The following PALLD variants were observed in gnomAD, a reference collection of about 807,000 sequenced individuals.
The protein encoded by PALLD is palladin, cytoskeletal associated protein, also known as palladin.
In PALLD, 61 loss-of-function variants were observed where a neutral mutation model predicts 123.5. The ratio of observed to expected loss-of-function variants is 0.49; its 90% CI spans 0.40 to 0.61. The LOEUF (loss-of-function observed/expected upper bound fraction) is 0.61. Ranked by LOEUF, PALLD falls within the 20% of genes least tolerant of loss-of-function variation. The pLI, the probability that PALLD is intolerant of heterozygous loss-of-function variation, is 0.00. For synonymous variants in PALLD, 465 were observed against 496.4 expected, an observed-to-expected ratio of 0.94 and a Z score of 0.84; for missense variants, 1,273 against 1,377.0, an observed-to-expected ratio of 0.92 and a Z score of 1.20.
intron 3 of PALLD, among the ~76,000 whole-genome samples, chr4:168,675,899 T>TA (rs995944397): frequency 3.3e-5 from 5 of 150,666 alleles, no homozygotes; most frequent in South Asian, 2.1e-4. Flanking sequence ...CTATAAAAAA[T>TA]AAAAAAAATA....
At chr4:168,781,500 C>T (rs982859387) in intron 10 of PALLD, among the ~76,000 whole-genome samples, 4 of 152,138 alleles carry the variant, frequency 2.6e-5, no homozygotes, top group Non-Finnish European at 5.9e-5. Flanking sequence ...GGGCAGAGGC[C>T]GGGAAGCCTG....
At chr4:168,598,364 G>A (rs940375247) in intron 2 of PALLD, 4 of 583,214 alleles carry the variant, frequency 6.9e-6, no homozygotes, top group African/African-American at 1.9e-5. Context: ...GAACTGTTTG[G>A]CTAACTTCCT....
chr4:168,840,814 G>A (rs1214170958), intron 10 of PALLD, among the ~76,000 whole-genome samples: 1 of 152,048 alleles, frequency 6.6e-6, no homozygotes, highest in Non-Finnish European at 1.5e-5. Context: ...GGGGAGTTGG[G>A]TAGGGTAGAT....
At chr4:168,620,477 T>C (rs1365792215) in intron 2 of PALLD, among the ~76,000 whole-genome samples, 1 of 152,036 alleles carries the variant, frequency 6.6e-6, no homozygotes, top group Non-Finnish European at 1.5e-5. Context: ...AAATTACCCT[T>C]CATTGGGCAA....
intron 10 of PALLD, among the ~76,000 whole-genome samples, chr4:168,785,816 G>C (rs1736628770): frequency 7.5e-6 from 1 of 133,500 alleles, no homozygotes. Flanking sequence ...AAAGGGAGAG[G>C]GGACAGAGTC....
intron 10 of PALLD, among the ~76,000 whole-genome samples, chr4:168,808,176 A>AAT (rs1042423591): frequency 8.6e-5 from 13 of 151,408 alleles, no homozygotes; most frequent in African/African-American, 3.1e-4. Context: ...AAAATATATT[A>AAT]ATATATATAA....
chr4:168,740,713 G>T (rs1160307969), intron 10 of PALLD, among the ~76,000 whole-genome samples: 1 of 152,154 alleles, frequency 6.6e-6, no homozygotes, highest in African/African-American at 2.4e-5. Flanking sequence ...AGCCAGTCAG[G>T]TTATGGAGCA....
At chr4:168,666,642 G>T (rs1232790307) in intron 2 of PALLD, among the ~76,000 whole-genome samples, 1 of 152,056 alleles carries the variant, frequency 6.6e-6, no homozygotes, top group Non-Finnish European at 1.5e-5. Flanking sequence ...AAAACGATAG[G>T]GCCAAGTTAT....
At position 168,759,203 on chromosome 4, in the gene PALLD, ATATATATATAT is replaced by A. The variant is rs1382996454; in HGVS notation, c.1964+47281_1964+47291del. ...TCAAAAAAAAAAAAAAAAAAAAAAA[ATATATATATAT>A]ATATATATATATATATATATATATA... On this transcript the variant is annotated intron_variant, in intron 10 of 21. Transcript: ENST00000505667. Among the ~76,000 whole-genome samples the A allele has an allele frequency of 4.6e-4, 18 of 39,496 alleles. 1 individual carries two copies. The highest frequency in any genetic ancestry group is 1.5e-3 in the African/African-American group (11 of 7,488). 25.9% of individuals were successfully genotyped at this position (39,496 alleles called of 152,430 possible). A position where few individuals can be genotyped will look rare whatever the true frequency, so the allele number is the denominator to read the frequency against.
chr4:168,877,671 A>C, intron 10 of PALLD: 3 of 962,942 alleles, frequency 3.1e-6, no homozygotes, highest in Non-Finnish European at 3.8e-6. Context: ...CCTGGAATAC[A>C]CGTTCCTGGC....
intron 2 of PALLD, among the ~76,000 whole-genome samples, chr4:168,660,218 A>G (rs1580811139): frequency 6.6e-6 from 1 of 152,138 alleles, no homozygotes; most frequent in African/African-American, 2.4e-5. Flanking sequence ...ACCACCCAAG[A>G]ATGGAAGTGA....
chr4:168,512,614 T>C (rs774542689), intron 2 of PALLD, among the ~76,000 whole-genome samples: 3 of 152,170 alleles, frequency 2.0e-5, no homozygotes, highest in Non-Finnish European at 2.9e-5. Context: ...ATGCACCCTC[T>C]GTGCTAAGGA....
chr4:168,813,764 C>T lies in PALLD; in HGVS notation c.1965-77158C>T, dbSNP rs887287367. Among the ~76,000 whole-genome samples, 4 of 152,104 alleles carry T rather than the reference C, an allele frequency of 2.6e-5. No individual in the cohort carries two copies. In the South Asian group the frequency reaches 8.3e-4, roughly 32 times the overall value. ...TGTGAGCTGCTGTATGATTCTGTCT[C>T]GCATAATTGGATATATTTTAAATGG... is the stretch of plus-strand genomic sequence containing the variant. On this transcript the variant is annotated intron_variant, in intron 10 of 21. Coordinates refer to ENST00000505667, the MANE Select transcript of PALLD (RefSeq NM_001166108.2).
intron 2 of PALLD, among the ~76,000 whole-genome samples, chr4:168,544,815 C>G (rs1765984831): frequency 6.6e-6 from 1 of 152,112 alleles, no homozygotes; most frequent in Non-Finnish European, 1.5e-5. Flanking sequence ...ATTTTTACAC[C>G]AGGACAATGT....
At chr4:168,607,164 A>C (rs557059282) in intron 2 of PALLD, among the ~76,000 whole-genome samples, 1 of 152,176 alleles carries the variant, frequency 6.6e-6, no homozygotes, top group Non-Finnish European at 1.5e-5. Flanking sequence ...TGAATGGTAC[A>C]AAGGAGGGAG....
At chr4:168,754,954 C>T (rs1046377802) in intron 10 of PALLD, among the ~76,000 whole-genome samples, 45 of 152,110 alleles carry the variant, frequency 3.0e-4, no homozygotes, top group Non-Finnish European at 5.3e-4. Context: ...AAAGGGTGGC[C>T]GGGCGCAGTG....
rs577930094 is a variant in PALLD, at chr4:168,765,322, G to GC, written c.1964+53401dup. ...GGAGAAAATTGCTAAATAATGAGTA[G>GC]CCATCTTGAGAGACAGAGAGCGTGG... is the stretch of plus-strand genomic sequence containing the variant. On this transcript the variant is annotated intron_variant, in intron 10 of 21. Coordinates refer to ENST00000505667, the MANE Select transcript of PALLD (RefSeq NM_001166108.2). Among the ~76,000 whole-genome samples, 219 of 152,284 alleles carry GC rather than the reference G, an allele frequency of 1.4e-3. 1 individual carries two copies. The highest frequency in any genetic ancestry group is 4.8e-3 in the African/African-American group (201 of 41,566).
At chr4:168,654,700 C>T (rs1778384521) in intron 2 of PALLD, 1 of 152,190 alleles carries the variant, frequency 6.6e-6, no homozygotes, top group Non-Finnish European at 1.5e-5. Context: ...TGTTCTTGCT[C>T]ACACACCTGA....
At chr4:168,873,996 G>C (rs932645867) in intron 10 of PALLD, among the ~76,000 whole-genome samples, 7 of 152,170 alleles carry the variant, frequency 4.6e-5, no homozygotes, top group African/African-American at 1.7e-4. Flanking sequence ...ACTTGCAATG[G>C]ACATAGGTGA....
Sources: allele counts gnomAD v4.1 joint callset (sites outside exome capture counted in the v4.1 genomes callset), GRCh38; gene constraint gnomAD v4.1.1; transcripts MANE v1.5; gene names NCBI Gene and HGNC (gene_info 2026-07-23, HGNC 2026-07-21).